Variants in DMD observed in about 807,000 individuals in gnomAD.
The protein encoded by DMD is mutant dystrophin.
A neutral mutation model predicts 330.1 loss-of-function variants in DMD; 63 were observed. That is an observed-to-expected ratio of 0.19 (90% CI 0.16 to 0.24). The LOEUF (loss-of-function observed/expected upper bound fraction) is 0.24. Ranked by LOEUF, DMD falls within the 10% of genes least tolerant of loss-of-function variation. The pLI is 1.00. For missense variants in DMD, 3,344 were observed against 2,684.1 expected, an observed-to-expected ratio of 1.25 and a Z score of -5.43; for synonymous variants, 1,223 against 959.8, an observed-to-expected ratio of 1.27 and a Z score of -5.07.
chrX:32,989,743 A>T (rs1167673268), intron 2 of DMD, among the ~76,000 whole-genome samples: 3 of 111,120 alleles, frequency 2.7e-5, no homozygotes, highest in African/African-American at 9.8e-5. Flanking sequence ...TTCTACTTAA[A>T]TTTTTGCCTG....
rs2098350569 is a variant in DMD at position 32,454,965 on chromosome X, A to T, written c.3433-133T>A. 10 of 699,968 alleles carry T rather than the reference A, an allele frequency of 1.4e-5. No homozygotes were observed. In the South Asian group the frequency reaches 2.7e-4, roughly 19 times the overall value. 57.7% of individuals were successfully genotyped at this position (699,968 alleles called of 1,213,427 possible). ...AAGAAGTAAAAAGCTTATATGCATA[A>T]GAAAATAACTCATGGGGATCAGATA... On this transcript the variant is annotated intron_variant, in intron 25 of 78. Transcript: ENST00000357033.
chrX:33,265,035 T>C (rs2053020245), intron 1 of DMD, among the ~76,000 whole-genome samples: 1 of 111,326 alleles, frequency 9.0e-6, no homozygotes, highest in Admixed American at 9.6e-5. Flanking sequence ...GCAATGATGC[T>C]TGGTGAGAAC....
chrX:31,799,240 T>C (rs2091958585), intron 50 of DMD, among the ~76,000 whole-genome samples: 1 of 112,285 alleles, frequency 8.9e-6, no homozygotes, highest in Non-Finnish European at 1.9e-5. Flanking sequence ...TAGTCTGTTC[T>C]CATGCTGCTA....
chrX:32,467,624 T>C (rs1603634176), intron 23 of DMD, among the ~76,000 whole-genome samples: 1 of 81,334 alleles, frequency 1.2e-5, no homozygotes, highest in East Asian at 4.1e-4. Context: ...TATAATTCCA[T>C]TATACACGTA....
intron 60 of DMD, among the ~76,000 whole-genome samples, chrX:31,440,350 T>C (rs748715964): frequency 2.7e-5 from 3 of 110,743 alleles, no homozygotes; most frequent in East Asian, 5.7e-4. Context: ...TTTCACTATG[T>C]GTTGGCCAGG....
At chrX:31,680,844 T>A (rs1479415099) in intron 52 of DMD, among the ~76,000 whole-genome samples, 1 of 111,873 alleles carries the variant, frequency 8.9e-6, no homozygotes, top group Non-Finnish European at 1.9e-5. Context: ...ACTACATTAT[T>A]TTTTCTATGC....
intron 57 of DMD, 67 bp downstream of exon 57, chrX:31,496,721 T>C: frequency 8.7e-7 from 1 of 1,151,642 alleles, no homozygotes; most frequent in Non-Finnish European, 1.2e-6. Flanking sequence ...CAAAATTAAT[T>C]TTAAAATAGT....
intron 45 of DMD, among the ~76,000 whole-genome samples, chrX:31,944,663 CTTT>C (rs1176678451): frequency 1.2e-4 from 10 of 81,533 alleles, no homozygotes; most frequent in African/African-American, 4.1e-4. Flanking sequence ...TTTTGTTCTG[CTTT>C]TTTTTTTTTT....
chrX:32,500,449 T>A (rs1027772665), intron 19 of DMD, among the ~76,000 whole-genome samples: 3 of 111,945 alleles, frequency 2.7e-5, no homozygotes, highest in African/African-American at 9.7e-5. Context: ...TCTAAATGTT[T>A]AAATTATTTC....
At chrX:32,638,930 T>C (rs2059268556) in intron 11 of DMD, among the ~76,000 whole-genome samples, 1 of 111,671 alleles carries the variant, frequency 9.0e-6, no homozygotes, top group African/African-American at 3.3e-5. Context: ...TTGTTAGATG[T>C]ATTTTTCTGT....
At chrX:32,316,510 T>A (rs1018881340) in intron 41 of DMD, among the ~76,000 whole-genome samples, 10 of 111,148 alleles carry the variant, frequency 9.0e-5, no homozygotes, top group African/African-American at 2.9e-4. Flanking sequence ...TAGTGTCCAG[T>A]CATCACAGAT....
At chrX:31,410,742 T>G (rs2061600345) in intron 60 of DMD, among the ~76,000 whole-genome samples, 1 of 107,440 alleles carries the variant, frequency 9.3e-6, no homozygotes, top group South Asian at 3.9e-4. Context: ...TATATATATA[T>G]ATTTATATAT....
intron 2 of DMD, among the ~76,000 whole-genome samples, chrX:32,913,551 C>T (rs112100882): frequency 0.016 from 1,743 of 111,915 alleles, 23 homozygotes; most frequent in African/African-American, 0.046. Context: ...TCTTGAGACA[C>T]GTTGTCAAAG....
chrX:33,114,181 C>T (rs1205312692), intron 1 of DMD, among the ~76,000 whole-genome samples: 1 of 106,175 alleles, frequency 9.4e-6, no homozygotes, highest in Non-Finnish European at 1.9e-5. Context: ...ATGTTCTTGG[C>T]TTACTGCAGC....
intron 1 of DMD, among the ~76,000 whole-genome samples, chrX:33,067,399 A>G (rs1451476617): frequency 8.9e-6 from 1 of 112,652 alleles, no homozygotes; most frequent in Admixed American, 9.4e-5. Flanking sequence ...CCAGGCAAAG[A>G]AAGAAGAGAT....
intron 55 of DMD, among the ~76,000 whole-genome samples, chrX:31,557,978 C>T (rs887933937): frequency 4.5e-5 from 5 of 111,449 alleles, no homozygotes; most frequent in African/African-American, 1.6e-4. Context: ...TTTAGACATT[C>T]TAGAATGAAA....
At chrX:32,374,124 C>T (rs930384622) in intron 34 of DMD, among the ~76,000 whole-genome samples, 1 of 110,748 alleles carries the variant, frequency 9.0e-6, no homozygotes, top group African/African-American at 3.3e-5. Context: ...TGTCTATTCA[C>T]GTTCTTTGTC....
At chrX:33,267,735 A>G (rs775366740) in intron 1 of DMD, among the ~76,000 whole-genome samples, 1 of 110,895 alleles carries the variant, frequency 9.0e-6, no homozygotes, top group Admixed American at 9.6e-5. Flanking sequence ...AGAATAGAAA[A>G]CACAGAAATA....
chrX:33,329,899 T>C (rs1238209826), intron 1 of DMD, among the ~76,000 whole-genome samples: 1 of 111,530 alleles, frequency 9.0e-6, no homozygotes, highest in African/African-American at 3.3e-5. Context: ...TATATATTCG[T>C]GTTATAGTTC....
Sources: gnomAD v4.1 joint callset for allele counts (sites outside exome capture counted in the v4.1 genomes callset) on GRCh38, gnomAD v4.1.1 for gene constraint, MANE v1.5 for transcripts, NCBI Gene and HGNC (gene_info 2026-07-23, HGNC 2026-07-21) for gene names.